Variants in NPAS2 observed in about 807,000 individuals in gnomAD.
The protein encoded by NPAS2 is neuronal PAS domain protein 2.
NPAS2 carries 23 observed loss-of-function variants against 107.5 expected under a neutral mutation model. That is an observed-to-expected ratio of 0.21 (90% CI 0.15 to 0.30). NPAS2 has a LOEUF of 0.30. NPAS2 is among the 10% of genes least tolerant of loss of function. The probability of loss-of-function intolerance (pLI) is 1.00; values close to 1 mark genes in which losing one functional copy is unlikely to be tolerated. For missense variants in NPAS2, 756 were observed against 1,043.3 expected, an observed-to-expected ratio of 0.72 and a Z score of 3.79; for synonymous variants, 403 against 417.5, an observed-to-expected ratio of 0.97 and a Z score of 0.42.
Position 100,898,749 on chromosome 2 carries a change from T to C in NPAS2, c.-22-5984T>C, listed in dbSNP as rs185088706. On this transcript the variant is annotated intron_variant, in intron 1 of 20. Coordinates refer to ENST00000335681, the MANE Select transcript of NPAS2 (RefSeq NM_002518.4). ...CATATAATTTTTTTCAGCGTAATAA[T>C]TGGATCTACCACTTTAAATTTAGAT... Among the ~76,000 whole-genome samples the C allele has an allele frequency of 8.1e-4, 122 of 150,434 alleles. 1 individual carries two copies. Among genetic ancestry groups the C allele is most frequent in the Admixed American group, 5.3e-3 (80 of 15,102 alleles).
intron 5 of NPAS2, among the ~76,000 whole-genome samples, chr2:100,946,046 A>G (rs1224651316): frequency 6.6e-6 from 1 of 152,236 alleles, no homozygotes; most frequent in Non-Finnish European, 1.5e-5. Flanking sequence ...TCAACTCAGC[A>G]CATAGCTGTA....
intron 1 of NPAS2, among the ~76,000 whole-genome samples, chr2:100,843,217 C>A (rs1042941782): frequency 3.6e-4 from 51 of 141,510 alleles, no homozygotes; most frequent in South Asian, 4.6e-4. Context: ...GACTCTGTCT[C>A]AAAAAAAAAA....
At chr2:100,865,726 A>G (rs1055677906) in intron 1 of NPAS2, among the ~76,000 whole-genome samples, 3 of 152,338 alleles carry the variant, frequency 2.0e-5, no homozygotes, top group East Asian at 1.9e-4. Flanking sequence ...GCAGGAAGTC[A>G]TGCTTCCATT....
intron 10 of NPAS2, among the ~76,000 whole-genome samples, chr2:100,966,538 C>CT (rs1658101485): frequency 6.6e-6 from 1 of 151,228 alleles, no homozygotes; most frequent in Admixed American, 6.6e-5. Context: ...GAATCGACCA[C>CT]TAACATTGTG....
intron 1 of NPAS2, among the ~76,000 whole-genome samples, chr2:100,828,478 G>A (rs548996181): frequency 6.6e-6 from 1 of 152,270 alleles, no homozygotes; most frequent in Non-Finnish European, 1.5e-5. Context: ...CCCAAGGCCA[G>A]TGTCCAGACT....
At chr2:100,877,540 T>C (rs904712011) in intron 1 of NPAS2, among the ~76,000 whole-genome samples, 1 of 151,764 alleles carries the variant, frequency 6.6e-6, no homozygotes, top group African/African-American at 2.4e-5. Context: ...GTTGGAGCCA[T>C]GCAAGCATTG....
intron 2 of NPAS2, among the ~76,000 whole-genome samples, chr2:100,911,660 C>T (rs1325528914): frequency 2.6e-5 from 4 of 151,630 alleles, no homozygotes; most frequent in Admixed American, 2.6e-4. Flanking sequence ...GAGACAGAGT[C>T]TAGCTCTGTT....
chr2:100,977,642 A>C lies in NPAS2; in HGVS notation c.1393-68A>C, dbSNP rs1048476861. On this transcript the variant is annotated intron_variant, in intron 14 of 20. Transcript: ENST00000335681. ...CGGAACGCAGAGAACCCACCGGACC[A>C]AGAGACCACATCCCTGTCCCCTGGA... 5.0e-6 allele frequency: 7 copies of C among 1,404,888 alleles called. No individual in the cohort carries two copies. In the East Asian group the frequency reaches 1.6e-4, roughly 32 times the overall value. 87.0% of individuals were successfully genotyped at this position (1,404,888 alleles called of 1,614,324 possible). A position where few individuals can be genotyped will look rare whatever the true frequency, so the allele number is the denominator to read the frequency against.
At chr2:100,902,726 A>C (rs1681867114) in intron 1 of NPAS2, among the ~76,000 whole-genome samples, 1 of 152,232 alleles carries the variant, frequency 6.6e-6, no homozygotes, top group South Asian at 2.1e-4. Context: ...GTATTTTATC[A>C]CAATTTTTTA....
At chr2:100,923,480 C>T (rs77834125) in intron 2 of NPAS2, among the ~76,000 whole-genome samples, 266 of 152,284 alleles carry the variant, frequency 1.7e-3, no homozygotes, top group Middle Eastern at 0.01. Flanking sequence ...TTTGGAAATA[C>T]GTCCTTTTGT....
chr2:100,942,843 G>A (rs1313265606), intron 5 of NPAS2, among the ~76,000 whole-genome samples: 2 of 152,152 alleles, frequency 1.3e-5, no homozygotes, highest in Admixed American at 1.3e-4. Flanking sequence ...CATTGAAAAT[G>A]GACTCTTGTG....
intron 1 of NPAS2, among the ~76,000 whole-genome samples, chr2:100,842,962 T>G (rs1261490238): frequency 6.6e-6 from 1 of 152,166 alleles, no homozygotes; most frequent in Non-Finnish European, 1.5e-5. Context: ...GGCTCATGCC[T>G]GTAATCCCAG....
At chr2:100,944,093 G>A (rs1477119268) in intron 5 of NPAS2, among the ~76,000 whole-genome samples, 1 of 152,170 alleles carries the variant, frequency 6.6e-6, no homozygotes, top group African/African-American at 2.4e-5. Context: ...ATGGCCGTTA[G>A]TTTGACTTTG....
chr2:100,887,735 C>G (rs12463431), intron 1 of NPAS2, among the ~76,000 whole-genome samples: 3 of 151,712 alleles, frequency 2.0e-5, no homozygotes, highest in Admixed American at 1.3e-4. Flanking sequence ...TCCTCTTACC[C>G]GGGTCCCCTG....
chr2:100,984,580 A>G (rs1677668134), intron 16 of NPAS2: 1 of 152,120 alleles, frequency 6.6e-6, no homozygotes, highest in South Asian at 2.1e-4. Flanking sequence ...CTTGAAAATT[A>G]GAAGTTGTTG....
rs1421026540 is a variant in NPAS2, at chr2:100,996,323, T to C, written c.*741T>C. 1 of 157,572 alleles carries C rather than the reference T, an allele frequency of 6.3e-6. No individual in the cohort carries two copies. The highest frequency in any genetic ancestry group is 3.0e-3 in the Middle Eastern group (1 of 330). 9.8% of individuals were successfully genotyped at this position (157,572 alleles called of 1,614,324 possible). A position where few individuals can be genotyped will look rare whatever the true frequency, so the allele number is the denominator to read the frequency against. Reference sequence around the variant, plus strand: ...AAATAAAACACTGGACTATTTCCTGTTTACTTCATTGATTGCAACTACAAA... The same window carrying C: ...AAATAAAACACTGGACTATTTCCTGCTTACTTCATTGATTGCAACTACAAA... On this transcript the variant is annotated 3_prime_UTR_variant, in exon 21 of 21. Transcript: ENST00000335681.
At chr2:100,933,972 A>G (rs1458238918) in intron 4 of NPAS2, 1 of 152,242 alleles carries the variant, frequency 6.6e-6, no homozygotes, top group Non-Finnish European at 1.5e-5. Flanking sequence ...GTAAACTTCA[A>G]TTTACATAGA....
At chr2:100,825,534 G>A (rs879848813) in intron 1 of NPAS2, among the ~76,000 whole-genome samples, 14 of 152,054 alleles carry the variant, frequency 9.2e-5, no homozygotes, top group Non-Finnish European at 1.8e-4. Context: ...CATAATCATC[G>A]CCCTATCTTT....
intron 7 of NPAS2, among the ~76,000 whole-genome samples, chr2:100,958,123 C>T (rs900416111): frequency 1.3e-5 from 2 of 152,152 alleles, no homozygotes; most frequent in Non-Finnish European, 2.9e-5. Flanking sequence ...AGGTCACCCT[C>T]GGCAAACATT....
Sources: gnomAD v4.1 joint callset for allele counts (sites outside exome capture counted in the v4.1 genomes callset) on GRCh38, gnomAD v4.1.1 for gene constraint, MANE v1.5 for transcripts, NCBI Gene and HGNC (gene_info 2026-07-23, HGNC 2026-07-21) for gene names.